Variants in FOXN3 observed in about 807,000 individuals in gnomAD.
FOXN3 encodes the protein forkhead box N3.
In FOXN3, 7 loss-of-function variants were observed where a neutral mutation model predicts 38.4. The observed-to-expected ratio is 0.18, with a 90% CI of 0.10 to 0.34. The LOEUF is 0.34. FOXN3 is among the 10% of genes least tolerant of loss of function. The pLI, the probability that FOXN3 is intolerant of heterozygous loss-of-function variation, is 1.00. For synonymous variants in FOXN3, 230 were observed against 242.2 expected (o/e 0.95, Z 0.47); for missense variants, 456 against 613.4 (o/e 0.74, Z 2.71).
chr14:89,470,344 C>T (rs1893068787), intron 1 of FOXN3, among the ~76,000 whole-genome samples: 1 of 151,696 alleles, frequency 6.6e-6, no homozygotes, highest in Non-Finnish European at 1.5e-5. Flanking sequence ...TCTTATCTCA[C>T]TGCCACCACC....
chr14:89,553,239 A>C (rs7152663), intron 1 of FOXN3, among the ~76,000 whole-genome samples: 2,407 of 11,564 alleles, frequency 0.21, 18 homozygotes, highest in African/African-American at 0.32. Flanking sequence ...ACCCTGTCCC[A>C]AAAAAAAAAA....
intron 2 of FOXN3, among the ~76,000 whole-genome samples, chr14:89,369,303 CA>C (rs1488876624): frequency 2.0e-5 from 3 of 152,182 alleles, no homozygotes; most frequent in Non-Finnish European, 4.4e-5. Context: ...AGAGTACACA[CA>C]AACATCTTTA....
rs1596072866 is a variant in FOXN3 at position 89,160,672 on chromosome 14, A to G, written c.*1742T>C. 6.5e-6 allele frequency: 1 copy of G among 152,726 alleles called. No individual in the cohort carries two copies. The highest frequency in any genetic ancestry group is 6.5e-5 in the Admixed American group (1 of 15,288). The allele number at this position is 152,726 out of a possible 1,614,324, so 9.5% of individuals were successfully genotyped here. A position where few individuals can be genotyped will look rare whatever the true frequency, so the allele number is the denominator to read the frequency against. On this transcript the variant is annotated 3_prime_UTR_variant, in exon 6 of 6. Transcript: ENST00000557258. ...ATTGCGTCATGTTAAACATGTACAG[A>G]CAGAGAGAAAGGACACACTTTTCAA... is the stretch of plus-strand genomic sequence containing the variant.
intron 3 of FOXN3, among the ~76,000 whole-genome samples, chr14:89,342,900 G>A (rs544912858): frequency 7.9e-5 from 12 of 152,182 alleles, no homozygotes; most frequent in Admixed American, 3.3e-4. Flanking sequence ...AAACTATTTC[G>A]GGTTTCCATC....
chr14:89,609,752 C>G (rs1393480947), intron 1 of FOXN3, among the ~76,000 whole-genome samples: 1 of 152,024 alleles, frequency 6.6e-6, no homozygotes, highest in Non-Finnish European at 1.5e-5. Context: ...CAGAAGTCTT[C>G]CAGAGCACGA....
chr14:89,526,505 C>T (rs1311325963), intron 1 of FOXN3, among the ~76,000 whole-genome samples: 1 of 151,808 alleles, frequency 6.6e-6, no homozygotes, highest in East Asian at 1.9e-4. Context: ...ATATAATTTA[C>T]AATAATATAA....
chr14:89,181,068 A>G (rs1887663682), intron 4 of FOXN3, among the ~76,000 whole-genome samples: 1 of 152,024 alleles, frequency 6.6e-6, no homozygotes, highest in African/African-American at 2.4e-5. Flanking sequence ...ACAGACATGC[A>G]CACACACACG....
chr14:89,335,137 T>C (rs919539729), intron 3 of FOXN3, among the ~76,000 whole-genome samples: 2 of 151,314 alleles, frequency 1.3e-5, no homozygotes, highest in Non-Finnish European at 2.9e-5. Context: ...GGTAACTATA[T>C]GAGGTAATAG....
At chr14:89,447,730 T>C (rs2139706046) in intron 1 of FOXN3, among the ~76,000 whole-genome samples, 1 of 151,242 alleles carries the variant, frequency 6.6e-6, no homozygotes, top group East Asian at 2.0e-4. Context: ...GTCTCTCTGC[T>C]ACCAAGTCTG....
chr14:89,316,728 C>T (rs1887730138), intron 3 of FOXN3, among the ~76,000 whole-genome samples: 1 of 146,242 alleles, frequency 6.8e-6, no homozygotes, highest in Admixed American at 6.9e-5. Flanking sequence ...TGCAATGGTG[C>T]GATCTTGGCT....
intron 4 of FOXN3, among the ~76,000 whole-genome samples, chr14:89,253,318 G>A (rs1419585078): frequency 6.6e-6 from 1 of 152,240 alleles, no homozygotes; most frequent in Non-Finnish European, 1.5e-5. Context: ...TTCTGGAAGA[G>A]TGAATTCAAG....
intron 4 of FOXN3, among the ~76,000 whole-genome samples, chr14:89,280,425 G>A (rs985133854): frequency 6.6e-6 from 1 of 152,106 alleles, no homozygotes; most frequent in East Asian, 1.9e-4. Context: ...GACACTTGTG[G>A]GGACCAATGT....
chr14:89,287,706 T>C (rs1432318049), intron 3 of FOXN3, among the ~76,000 whole-genome samples: 1 of 138,796 alleles, frequency 7.2e-6, no homozygotes, highest in African/African-American at 2.7e-5. Context: ...TTACTAAATA[T>C]CCAAGAAGCA....
chr14:89,465,316 G>T (rs559094355), intron 1 of FOXN3, among the ~76,000 whole-genome samples: 1 of 151,958 alleles, frequency 6.6e-6, no homozygotes, highest in Non-Finnish European at 1.5e-5. Context: ...TGCAACCTCC[G>T]CCTCCCAGGT....
chr14:89,524,955 C>T (rs563055610), intron 1 of FOXN3, among the ~76,000 whole-genome samples: 39 of 152,218 alleles, frequency 2.6e-4, no homozygotes, highest in Non-Finnish European at 4.7e-4. Flanking sequence ...ACAAGAGACC[C>T]TCATAGTTAG....
intron 1 of FOXN3, among the ~76,000 whole-genome samples, chr14:89,546,803 A>C (rs923099896): frequency 6.6e-6 from 1 of 152,088 alleles, no homozygotes; most frequent in Admixed American, 6.6e-5. Context: ...TCATATATAC[A>C]CACAGAGTCT....
intron 1 of FOXN3, among the ~76,000 whole-genome samples, chr14:89,523,029 A>G (rs766032416): frequency 5.3e-5 from 8 of 152,158 alleles, no homozygotes; most frequent in Non-Finnish European, 1.0e-4. Flanking sequence ...CGAAGAAGAA[A>G]TATCACACTA....
intron 5 of FOXN3, among the ~76,000 whole-genome samples, chr14:89,175,381 T>C (rs73321213): frequency 3.5e-3 from 526 of 152,340 alleles, no homozygotes; most frequent in African/African-American, 0.012. Flanking sequence ...ATGTACTCTG[T>C]GCTGAAAGGT....
Position 89,548,709 on chromosome 14 carries a change from C to A in FOXN3, c.-15+70319G>T, listed in dbSNP as rs542625909. Reference sequence around the variant, plus strand: ...TATGTATGTATGTATGTATATATGCCTATATATTACAAGATCTAGGTAGCC... The same window carrying A: ...TATGTATGTATGTATGTATATATGCATATATATTACAAGATCTAGGTAGCC... On this transcript the variant is annotated intron_variant, in intron 1 of 6. Coordinates refer to the FOXN3 transcript ENST00000345097. The surrounding 1 kb of genome is among the most constrained non-coding windows in gnomAD (Gnocchi z 4.8). 6.6e-6 allele frequency among the ~76,000 whole-genome samples: 1 copy of A among 152,088 alleles called. No homozygotes were observed. Among genetic ancestry groups the A allele is most frequent in the South Asian group, 2.1e-4 (1 of 4,810 alleles).
Sources: allele counts gnomAD v4.1 joint callset (sites outside exome capture counted in the v4.1 genomes callset), GRCh38; gene constraint gnomAD v4.1.1; non-coding constraint Gnocchi (gnomAD v3.1); transcripts MANE v1.5; gene names NCBI Gene and HGNC (gene_info 2026-07-23, HGNC 2026-07-21).